The following HS3ST4 variants were observed in gnomAD, a reference collection of about 807,000 sequenced individuals.
HS3ST4 encodes the protein heparan sulfate-glucosamine 3-sulfotransferase 4.
In HS3ST4, 17 loss-of-function variants were observed where a neutral mutation model predicts 29.2. The observed-to-expected ratio is 0.58, with a 90% CI of 0.40 to 0.87. The LOEUF (loss-of-function observed/expected upper bound fraction) is 0.87. HS3ST4 is among the 40% of genes least tolerant of loss of function. HS3ST4 has a pLI of 0.00. For missense variants in HS3ST4, 627 were observed against 634.5 expected, an observed-to-expected ratio of 0.99 and a Z score of 0.13; for synonymous variants, 314 against 285.7, an observed-to-expected ratio of 1.10 and a Z score of -1.00.
intron 1 of HS3ST4, among the ~76,000 whole-genome samples, chr16:25,727,801 A>G (rs1966546751): frequency 6.6e-6 from 1 of 152,132 alleles, no homozygotes; most frequent in Non-Finnish European, 1.5e-5. Context: ...AGGGTTGCTG[A>G]TCATTCAGGT....
At chr16:25,808,820 A>G (rs997103825) in intron 1 of HS3ST4, among the ~76,000 whole-genome samples, 4 of 135,926 alleles carry the variant, frequency 2.9e-5, no homozygotes, top group African/African-American at 8.7e-5. Context: ...TAGCCTACAG[A>G]TACTATACCT....
In HS3ST4 at chr16:25,692,950, A is replaced by C. The variant is rs772962156; in HGVS notation, c.533A>C (p.Asn178Thr). The C allele has an allele frequency of 1.2e-6, 2 of 1,610,196 alleles. No individual in the cohort carries two copies. The highest frequency in any genetic ancestry group is 2.2e-5 in the South Asian group (2 of 90,540). The change falls in exon 1 of 2, where the codon AAC becomes ACC. Residue 178 changes from asparagine (N) to threonine (T), a missense_variant. By Grantham distance (65) the Asn-to-Thr change is moderately conservative (BLOSUM62 0). Coordinates refer to ENST00000331351, the MANE Select transcript of HS3ST4 (RefSeq NM_006040.3). ...GATCTCGCAGGCCGGAGAGCGGCCAACGGGAGCAGCGAGAGGGGCGGCGCC... is the reference window on the plus strand; with the variant it reads ...GATCTCGCAGGCCGGAGAGCGGCCACCGGGAGCAGCGAGAGGGGCGGCGCC... ...DEDLAGRRAA[N>T]GSSERGGAVS...
At chr16:25,795,399 A>G (rs1446424142) in intron 1 of HS3ST4, among the ~76,000 whole-genome samples, 1 of 151,958 alleles carries the variant, frequency 6.6e-6, no homozygotes, top group African/African-American at 2.4e-5. Context: ...TACATACTGA[A>G]TTCTTAATTT....
intron 1 of HS3ST4, among the ~76,000 whole-genome samples, chr16:25,998,466 TATC>T (rs1344610656): frequency 1.3e-5 from 2 of 152,222 alleles, no homozygotes; most frequent in Non-Finnish European, 1.5e-5. Flanking sequence ...GAATAGCTGT[TATC>T]ACAGGTGTGA....
intron 1 of HS3ST4, among the ~76,000 whole-genome samples, chr16:26,080,135 C>T (rs1898708570): frequency 6.6e-6 from 1 of 152,082 alleles, no homozygotes; most frequent in South Asian, 2.1e-4. Flanking sequence ...GCTTGGAGAG[C>T]TCCACCCACC....
At chr16:26,111,466 TA>T (rs1400709279) in intron 1 of HS3ST4, among the ~76,000 whole-genome samples, 1 of 152,118 alleles carries the variant, frequency 6.6e-6, no homozygotes, top group South Asian at 2.1e-4. Context: ...TTTCTTAATT[TA>T]AAAACACAGG....
At chr16:26,120,998 G>A (rs1454626493) in intron 1 of HS3ST4, among the ~76,000 whole-genome samples, 1 of 152,194 alleles carries the variant, frequency 6.6e-6, no homozygotes, top group Non-Finnish European at 1.5e-5. Flanking sequence ...CCTGCTAAGT[G>A]CATCCTAACC....
intron 1 of HS3ST4, among the ~76,000 whole-genome samples, chr16:26,033,133 T>C (rs1969548174): frequency 6.6e-6 from 1 of 152,000 alleles, no homozygotes; most frequent in South Asian, 2.1e-4. Flanking sequence ...AATCCCAGAA[T>C]TTTGGGAGGC....
At chr16:26,055,922 A>AGGGTTC (rs1322443722) in intron 1 of HS3ST4, among the ~76,000 whole-genome samples, 1 of 152,140 alleles carries the variant, frequency 6.6e-6, no homozygotes, top group Non-Finnish European at 1.5e-5. Flanking sequence ...GTCTGTTTAC[A>AGGGTTC]GGGTTCGGGC....
intron 1 of HS3ST4, among the ~76,000 whole-genome samples, chr16:25,783,046 G>GAAA (rs1263935705): frequency 2.0e-5 from 3 of 151,744 alleles, no homozygotes; most frequent in Admixed American, 6.6e-5. Context: ...TGCTTTCTTT[G>GAAA]AAAAAAAGAA....
intron 1 of HS3ST4, among the ~76,000 whole-genome samples, chr16:25,857,991 T>G (rs866423421): frequency 8.8e-6 from 1 of 113,474 alleles, no homozygotes; most frequent in Non-Finnish European, 1.9e-5. Flanking sequence ...GTCTTTCTTT[T>G]TCTTCCTTCT....
chr16:25,975,618 G>T (rs1266456268), intron 1 of HS3ST4, among the ~76,000 whole-genome samples: 1 of 152,058 alleles, frequency 6.6e-6, no homozygotes, highest in Non-Finnish European at 1.5e-5. Flanking sequence ...AACCTCACTG[G>T]TCTGAGCCAG....
intron 1 of HS3ST4, among the ~76,000 whole-genome samples, chr16:26,034,331 C>T (rs1969562770): frequency 6.6e-6 from 1 of 152,172 alleles, no homozygotes; most frequent in African/African-American, 2.4e-5. Context: ...GCATCTACCA[C>T]CGAAGCCTGA....
intron 1 of HS3ST4, among the ~76,000 whole-genome samples, chr16:25,926,501 T>G (rs972643235): frequency 2.0e-5 from 3 of 152,218 alleles, no homozygotes; most frequent in African/African-American, 7.2e-5. Context: ...TTAAATTCAC[T>G]TGATCTAGAA....
intron 1 of HS3ST4, among the ~76,000 whole-genome samples, chr16:26,011,561 A>T (rs1177614548): frequency 6.6e-6 from 1 of 152,180 alleles, no homozygotes; most frequent in African/African-American, 2.4e-5. Flanking sequence ...CTCTGTCTCA[A>T]AAAAAAGCAT....
chr16:25,831,664 C>G (rs1429305293), intron 1 of HS3ST4, among the ~76,000 whole-genome samples: 1 of 151,998 alleles, frequency 6.6e-6, no homozygotes, highest in South Asian at 2.1e-4. Context: ...CCTATAAATT[C>G]CACAAGAACA....
rs368307602 is a variant in HS3ST4 at position 25,869,970 on chromosome 16, C to T, written c.734+176819C>T. On this transcript the variant is annotated intron_variant, in intron 1 of 1. Transcript: ENST00000331351. ...GGACCAGGGATCAGATCTGAAGCTT[C>T]AGGTCATCCTGGAGTGTTCATCTCT... 6.4e-4 allele frequency among the ~76,000 whole-genome samples: 98 copies of T among 152,306 alleles called. 2 individuals carry two copies. The South Asian group carries it at 0.016, about 24-fold the overall frequency.
At chr16:26,111,030 T>C (rs1375981135) in intron 1 of HS3ST4, among the ~76,000 whole-genome samples, 2 of 149,740 alleles carry the variant, frequency 1.3e-5, no homozygotes, top group African/African-American at 5.0e-5. Flanking sequence ...TACAATTTAT[T>C]TTTTTTGTTA....
intron 1 of HS3ST4, among the ~76,000 whole-genome samples, chr16:26,033,708 C>T (rs1055848194): frequency 6.6e-6 from 1 of 151,836 alleles, no homozygotes; most frequent in Non-Finnish European, 1.5e-5. Context: ...GGCAACAGAG[C>T]GAGACCTTGA....
Sources: allele counts gnomAD v4.1 joint callset (sites outside exome capture counted in the v4.1 genomes callset), GRCh38; gene constraint gnomAD v4.1.1; transcripts MANE v1.5; gene names NCBI Gene and HGNC (gene_info 2026-07-23, HGNC 2026-07-21).